The following FHIT variants were observed in gnomAD, a reference collection of about 807,000 sequenced individuals.
The protein encoded by FHIT is bis(5'-adenosyl)-triphosphatase.
Under a neutral mutation model 17.9 loss-of-function variants are expected in FHIT, and 19 were observed. That is an observed-to-expected ratio of 1.06 (90% CI 0.74 to 1.56). The LOEUF is 1.56. FHIT is among the 40% of genes most tolerant of loss of function. The probability of loss-of-function intolerance (pLI) is 0.00; values close to 1 mark genes in which losing one functional copy is unlikely to be tolerated. For synonymous variants in FHIT, 81 were observed against 69.7 expected (o/e 1.16, Z -0.81); for missense variants, 248 against 189.2 (o/e 1.31, Z -1.82).
chr3:60,080,268 T>A (rs1469310726), intron 5 of FHIT, among the ~76,000 whole-genome samples: 1 of 152,106 alleles, frequency 6.6e-6, no homozygotes, highest in Non-Finnish European at 1.5e-5. Flanking sequence ...TTGACAATGC[T>A]TGCGATTCAG....
rs1436275822 is a variant in FHIT at position 59,895,143 on chromosome 3, T to A, written c.348+27203A>T. ...CTGAATGCTACAAAACATCTCACTA[T>A]GCATACTCTCACTCCCCAAACTCTG... On this transcript the variant is annotated intron_variant, in intron 8 of 9. Coordinates refer to ENST00000492590, the MANE Select transcript of FHIT (RefSeq NM_002012.4). 2.6e-5 allele frequency among the ~76,000 whole-genome samples: 4 copies of A among 152,238 alleles called. No homozygotes were observed. The East Asian group carries it at 7.7e-4, about 29-fold the overall frequency.
intron 4 of FHIT, among the ~76,000 whole-genome samples, chr3:60,578,598 A>T (rs1380822959): frequency 6.6e-6 from 1 of 152,180 alleles, no homozygotes; most frequent in African/African-American, 2.4e-5. Flanking sequence ...AATTCAGCTT[A>T]TATCATATGT....
At chr3:61,148,217 T>C (rs1021073012) in intron 2 of FHIT, among the ~76,000 whole-genome samples, 1 of 152,074 alleles carries the variant, frequency 6.6e-6, no homozygotes, top group Non-Finnish European at 1.5e-5. Flanking sequence ...CTCTCTATGG[T>C]ATATTTAGAG....
At chr3:59,926,839 A>C (rs1395789675) in intron 7 of FHIT, among the ~76,000 whole-genome samples, 1 of 152,236 alleles carries the variant, frequency 6.6e-6, no homozygotes, top group Non-Finnish European at 1.5e-5. Flanking sequence ...AGCGTTGGCC[A>C]GAGTGTGGAG....
intron 5 of FHIT, among the ~76,000 whole-genome samples, chr3:60,073,311 T>C (rs1347235174): frequency 6.6e-6 from 1 of 152,054 alleles, no homozygotes; most frequent in East Asian, 1.9e-4. Context: ...AACAAAACTA[T>C]TGGGAAAGGG....
chr3:60,880,908 C>T (rs1331094665), intron 3 of FHIT, among the ~76,000 whole-genome samples: 5 of 152,126 alleles, frequency 3.3e-5, no homozygotes, highest in East Asian at 3.9e-4. Context: ...GTTAACAAAA[C>T]GACAGAAGCA....
intron 4 of FHIT, among the ~76,000 whole-genome samples, chr3:60,766,046 TTC>T (rs1343087302): frequency 4.0e-5 from 6 of 151,898 alleles, no homozygotes; most frequent in Admixed American, 3.9e-4. Flanking sequence ...CACTACCAGC[TTC>T]TCTCTCTCTC....
At chr3:60,493,916 A>G (rs1480308031) in intron 5 of FHIT, among the ~76,000 whole-genome samples, 1 of 152,096 alleles carries the variant, frequency 6.6e-6, no homozygotes, top group African/African-American at 2.4e-5. Context: ...CTCAGAAAAA[A>G]TCATTTTGGT....
intron 3 of FHIT, among the ~76,000 whole-genome samples, chr3:60,835,562 G>A (rs1399817440): frequency 1.3e-5 from 2 of 152,258 alleles, no homozygotes; most frequent in Middle Eastern, 3.4e-3. Context: ...TAATTTAAAT[G>A]TCTATCTCAT....
Position 60,979,780 on chromosome 3 carries a change from G to A in FHIT, c.-111+62267C>T, listed in dbSNP as rs535690243. 1.4e-4 allele frequency among the ~76,000 whole-genome samples: 21 copies of A among 152,216 alleles called. No individual in the cohort carries two copies. The South Asian group carries it at 3.9e-3, about 29-fold the overall frequency. ...CCCTCTGTCCCAGGATCTGCATTCC[G>A]CTGTTCTCTCTCCTGCAAGCTGTGA... is the stretch of plus-strand genomic sequence containing the variant. On this transcript the variant is annotated intron_variant, in intron 3 of 9. Coordinates refer to ENST00000492590, the MANE Select transcript of FHIT (RefSeq NM_002012.4).
At chr3:60,232,787 C>G (rs1704566200) in intron 5 of FHIT, among the ~76,000 whole-genome samples, 1 of 152,162 alleles carries the variant, frequency 6.6e-6, no homozygotes, top group African/African-American at 2.4e-5. Flanking sequence ...TCCACTCCTG[C>G]CCCTCTAAAG....
intron 5 of FHIT, among the ~76,000 whole-genome samples, chr3:60,432,817 T>C (rs1165115516): frequency 6.6e-6 from 1 of 152,124 alleles, no homozygotes; most frequent in Non-Finnish European, 1.5e-5. Context: ...AAATCACCTA[T>C]ACTTGTTTAT....
chr3:60,201,739 A>C (rs1702917475), intron 5 of FHIT, among the ~76,000 whole-genome samples: 1 of 152,140 alleles, frequency 6.6e-6, no homozygotes, highest in Non-Finnish European at 1.5e-5. Context: ...AACAGTCAAT[A>C]CTAATAAATA....
At chr3:60,146,250 A>AG (rs1700234926) in intron 5 of FHIT, among the ~76,000 whole-genome samples, 1 of 52 alleles carries the variant, frequency 0.019, no homozygotes, top group African/African-American at 0.071. Context: ...ATACTCATTT[A>AG]AAAAAAAAAA....
chr3:59,993,509 T>C (rs1006601444), intron 7 of FHIT, among the ~76,000 whole-genome samples: 6 of 151,962 alleles, frequency 3.9e-5, no homozygotes, highest in East Asian at 1.9e-4. Context: ...CAAACCCCAA[T>C]TGGCAAACAG....
intron 4 of FHIT, among the ~76,000 whole-genome samples, chr3:60,552,465 C>A (rs1242979799): frequency 1.3e-5 from 2 of 152,142 alleles, no homozygotes; most frequent in Non-Finnish European, 2.9e-5. Context: ...GGTTCCAAGT[C>A]CTCCACATTC....
chr3:60,623,447 C>G (rs2039191030), intron 4 of FHIT, among the ~76,000 whole-genome samples: 1 of 152,148 alleles, frequency 6.6e-6, no homozygotes, highest in Non-Finnish European at 1.5e-5. Flanking sequence ...AATGATAGGA[C>G]AAGGATTTAT....
chr3:60,087,100 A>G (rs1229428416), intron 5 of FHIT, among the ~76,000 whole-genome samples: 1 of 152,220 alleles, frequency 6.6e-6, no homozygotes, highest in Non-Finnish European at 1.5e-5. Flanking sequence ...GACAAGGCTC[A>G]TGGCTTGCAC....
intron 3 of FHIT, among the ~76,000 whole-genome samples, chr3:60,860,457 TGTAC>T (rs1553751508): frequency 8.2e-6 from 1 of 121,962 alleles, no homozygotes; most frequent in African/African-American, 3.1e-5. Flanking sequence ...ATGATACATA[TGTAC>T]ATATATATGT....
Sources: gnomAD v4.1 joint callset for allele counts (sites outside exome capture counted in the v4.1 genomes callset) on GRCh38, gnomAD v4.1.1 for gene constraint, MANE v1.5 for transcripts, NCBI Gene and HGNC (gene_info 2026-07-23, HGNC 2026-07-21) for gene names.